Variants in IQGAP2 observed in about 807,000 individuals in gnomAD.
The protein encoded by IQGAP2 is ras GTPase-activating-like protein IQGAP2.
A neutral mutation model predicts 201.3 loss-of-function variants in IQGAP2; 173 were observed. The observed-to-expected ratio is 0.86, with a 90% CI of 0.76 to 0.98. The LOEUF (loss-of-function observed/expected upper bound fraction) is 0.98. IQGAP2 is among the 50% of genes least tolerant of loss of function. The pLI is 0.00. For synonymous variants in IQGAP2, 675 were observed against 673.9 expected (o/e 1.00, Z -0.03); for missense variants, 1,687 against 1,864.8 (o/e 0.90, Z 1.76).
chr5:76,559,742 C>T (rs1225736760), intron 2 of IQGAP2, among the ~76,000 whole-genome samples: 1 of 152,170 alleles, frequency 6.6e-6, no homozygotes, highest in East Asian at 1.9e-4. Context: ...CTGTGGAGTT[C>T]GTGTGGTCTC....
chr5:76,480,878 G>A (rs563897200), intron 2 of IQGAP2, among the ~76,000 whole-genome samples: 58 of 149,650 alleles, frequency 3.9e-4, no homozygotes, highest in African/African-American at 1.4e-3. Flanking sequence ...TTTGTTTCTC[G>A]CAGTTCTGGA....
intron 2 of IQGAP2, among the ~76,000 whole-genome samples, chr5:76,551,899 G>A (rs1580440068): frequency 6.9e-6 from 1 of 145,382 alleles, no homozygotes; most frequent in Admixed American, 6.8e-5. Context: ...GGAGGGGGAG[G>A]GGAGGGGGAG....
intron 11 of IQGAP2, among the ~76,000 whole-genome samples, chr5:76,604,050 A>G (rs2150327644): frequency 6.6e-6 from 1 of 152,238 alleles, no homozygotes; most frequent in East Asian, 1.9e-4. Flanking sequence ...ACATAGGTAT[A>G]CAAGTGCCAT....
chr5:76,496,749 C>CTTTCTTTCTTTCTTTCTTTCTTTCT (rs1756965533), intron 2 of IQGAP2, among the ~76,000 whole-genome samples: 38 of 60,488 alleles, frequency 6.3e-4, no homozygotes, highest in Admixed American at 1.7e-3. Context: ...TTCTTTCTTT[C>CTTTCTTTCTTTCTTTCTTTCTTTCT]TTTCTTTCTT....
intron 14 of IQGAP2, chr5:76,628,823 A>G: frequency 2.4e-6 from 1 of 416,732 alleles, no homozygotes; most frequent in South Asian, 1.7e-5. Context: ...AGCACGCCTT[A>G]AGAAAAAAAT....
chr5:76,462,809 A>C (rs1468749797), intron 2 of IQGAP2, among the ~76,000 whole-genome samples: 1 of 152,170 alleles, frequency 6.6e-6, no homozygotes, highest in Non-Finnish European at 1.5e-5. Flanking sequence ...ATATTTTAGT[A>C]GTGTCACGTA....
At chr5:76,404,615 C>T (rs577281892) in intron 1 of IQGAP2, 3 of 385,344 alleles carry the variant, frequency 7.8e-6, no homozygotes, top group African/African-American at 4.4e-5. Flanking sequence ...GTGCGTAAGG[C>T]CACTGACTTG....
chr5:76,578,519 G>A (rs1450282130), intron 5 of IQGAP2, among the ~76,000 whole-genome samples: 11 of 152,030 alleles, frequency 7.2e-5, no homozygotes. Flanking sequence ...TCACCATGTT[G>A]GCCAGGATGG....
At chr5:76,576,622 C>T (rs150216450) in intron 5 of IQGAP2, among the ~76,000 whole-genome samples, 1 of 152,164 alleles carries the variant, frequency 6.6e-6, no homozygotes, top group Non-Finnish European at 1.5e-5. Context: ...CTTCCTGGCT[C>T]TTTTCCTCTC....
chr5:76,553,210 T>C (rs780974841), intron 2 of IQGAP2, among the ~76,000 whole-genome samples: 6 of 152,348 alleles, frequency 3.9e-5, no homozygotes, highest in Non-Finnish European at 8.8e-5. Context: ...TACTGCCTGT[T>C]GACACAGAAG....
intron 2 of IQGAP2, among the ~76,000 whole-genome samples, chr5:76,483,484 A>C (rs925765585): frequency 3.9e-5 from 6 of 152,226 alleles, no homozygotes; most frequent in African/African-American, 1.4e-4. Context: ...TCTCCTTCAG[A>C]AAGAAAAATA....
At chr5:76,684,280 G>A (rs1016906454) in intron 30 of IQGAP2, among the ~76,000 whole-genome samples, 9 of 152,010 alleles carry the variant, frequency 5.9e-5, no homozygotes, top group Non-Finnish European at 8.8e-5. Context: ...GTTTATTTCC[G>A]GTATAAAATC....
intron 4 of IQGAP2, 47 bp downstream of exon 4, chr5:76,570,704 G>A (rs1408935902): frequency 1.6e-6 from 2 of 1,226,000 alleles, no homozygotes; most frequent in South Asian, 2.4e-5. Flanking sequence ...CAAAGGGGTA[G>A]TACACAAACA....
chr5:76,656,450 G>A (rs190015960), intron 20 of IQGAP2, among the ~76,000 whole-genome samples: 30 of 151,930 alleles, frequency 2.0e-4, no homozygotes, highest in African/African-American at 5.5e-4. Context: ...CAAAATGCTG[G>A]GATTACAGGC....
intron 26 of IQGAP2, 83 bp from the exon 27 acceptor site, chr5:76,674,394 A>C (rs2287933): frequency 0.066 from 49,012 of 744,682 alleles, 1,889 homozygotes; most frequent in East Asian, 0.12. Flanking sequence ...GTAGGAGAAT[A>C]TATATCTTTA....
At chr5:76,558,048 G>T (rs916116155) in intron 2 of IQGAP2, among the ~76,000 whole-genome samples, 3 of 152,038 alleles carry the variant, frequency 2.0e-5, no homozygotes, top group African/African-American at 4.8e-5. Context: ...CAAGTGATCC[G>T]CCTGCCTGCG....
intron 27 of IQGAP2, 59 bp downstream of exon 27, chr5:76,674,768 T>G: frequency 8.0e-7 from 1 of 1,254,512 alleles, no homozygotes; most frequent in Non-Finnish European, 1.2e-6. Context: ...GAATAATATG[T>G]GCTCTGTGCC....
chr5:76,626,247 C>T (rs416451), intron 13 of IQGAP2, among the ~76,000 whole-genome samples: 26 of 139,898 alleles, frequency 1.9e-4, no homozygotes, highest in African/African-American at 3.2e-4. Context: ...TATTATAATT[C>T]TTTTTCTTTT....
intron 5 of IQGAP2, among the ~76,000 whole-genome samples, chr5:76,584,396 G>A (rs1746097810): frequency 6.6e-6 from 1 of 152,128 alleles, no homozygotes; most frequent in Non-Finnish European, 1.5e-5. Context: ...CCCCTAACAT[G>A]AAGTAAACAG....
Sources: allele counts gnomAD v4.1 joint callset (sites outside exome capture counted in the v4.1 genomes callset), GRCh38; gene constraint gnomAD v4.1.1; transcripts MANE v1.5; gene names NCBI Gene and HGNC (gene_info 2026-07-23, HGNC 2026-07-21).